The following SLC35F4 variants were observed in gnomAD, a reference collection of about 807,000 sequenced individuals.
The protein encoded by SLC35F4 is chromosome 14 open reading frame 36.
In SLC35F4, 24 loss-of-function variants were observed where a neutral mutation model predicts 44.2. The ratio of observed to expected loss-of-function variants is 0.54; its 90% CI spans 0.39 to 0.76. The LOEUF is 0.76. Ranked by LOEUF, SLC35F4 falls within the 30% of genes least tolerant of loss-of-function variation. SLC35F4 has a pLI of 0.00. For synonymous variants in SLC35F4, 238 were observed against 223.6 expected (o/e 1.06, Z -0.57); for missense variants, 562 against 586.1 (o/e 0.96, Z 0.42).
chr14:57,690,441 T>C (rs977105141), intron 1 of SLC35F4, among the ~76,000 whole-genome samples: 1 of 152,012 alleles, frequency 6.6e-6, no homozygotes, highest in Non-Finnish European at 1.5e-5. Context: ...GATTTTGAGA[T>C]TTTCATGTTT....
chr14:57,631,586 G>T (rs12436163), intron 1 of SLC35F4, among the ~76,000 whole-genome samples: 105,894 of 151,816 alleles, frequency 0.7, 37,709 homozygotes, highest in Middle Eastern at 0.79. Flanking sequence ...TTGCTTTTCA[G>T]GCCTCAGTTT....
intron 1 of SLC35F4, among the ~76,000 whole-genome samples, chr14:57,692,805 C>T (rs2075272926): frequency 6.6e-6 from 1 of 151,968 alleles, no homozygotes; most frequent in Non-Finnish European, 1.5e-5. Context: ...GGCTAAGTAA[C>T]AGGCCTGTAG....
upstream of SLC35F4, among the ~76,000 whole-genome samples, chr14:57,868,089 C>G (rs1242458619): frequency 6.6e-6 from 1 of 152,132 alleles, no homozygotes; most frequent in Non-Finnish European, 1.5e-5. Flanking sequence ...TTAACTGGAT[C>G]TGATCATTCA....
At chr14:57,622,715 T>A (rs1293522391) in intron 1 of SLC35F4, among the ~76,000 whole-genome samples, 1 of 152,106 alleles carries the variant, frequency 6.6e-6, no homozygotes, top group Non-Finnish European at 1.5e-5. Flanking sequence ...ATATACCTAA[T>A]GCTAGATGAC....
intron 1 of SLC35F4, chr14:57,630,901 T>C: frequency 1.1e-6 from 1 of 871,418 alleles, no homozygotes; most frequent in Non-Finnish European, 1.4e-6. Context: ...CAGCCACCAA[T>C]TTGTGGTGTC....
intron 1 of SLC35F4, among the ~76,000 whole-genome samples, chr14:57,746,503 T>A (rs1322823208): frequency 6.6e-6 from 1 of 152,194 alleles, no homozygotes; most frequent in East Asian, 1.9e-4. Context: ...AAAACTCCAA[T>A]TGATCATGAT....
chr14:57,679,698 A>C (rs181499654), intron 1 of SLC35F4, among the ~76,000 whole-genome samples: 12 of 152,238 alleles, frequency 7.9e-5, no homozygotes, highest in Admixed American at 7.8e-4. Flanking sequence ...GGATATCTCC[A>C]CTGATCCCAC....
chr14:57,769,285 G>A (rs1162541475), intron 1 of SLC35F4, among the ~76,000 whole-genome samples: 7 of 152,024 alleles, frequency 4.6e-5, no homozygotes, highest in Non-Finnish European at 1.0e-4. Flanking sequence ...ATGGGTCTGA[G>A]CACCCTCCTT....
At chr14:57,877,216 A>G (rs1460463867) in intron 1 of SLC35F4, among the ~76,000 whole-genome samples, 1 of 152,038 alleles carries the variant, frequency 6.6e-6, no homozygotes, top group Non-Finnish European at 1.5e-5. Flanking sequence ...GTGTCCATGT[A>G]TATTCAGTAT....
At chr14:57,850,233 T>C (rs1886435758) in intron 1 of SLC35F4, among the ~76,000 whole-genome samples, 1 of 152,240 alleles carries the variant, frequency 6.6e-6, no homozygotes, top group Non-Finnish European at 1.5e-5. Context: ...GAAAAGTAGG[T>C]TGTGCTGCTT....
At chr14:57,611,836 G>A (rs1041176719) in intron 1 of SLC35F4, among the ~76,000 whole-genome samples, 1 of 152,116 alleles carries the variant, frequency 6.6e-6, no homozygotes, top group Non-Finnish European at 1.5e-5. Context: ...ACATGGGAGA[G>A]TTCCAGCTAG....
At chr14:57,680,289 C>A (rs1229975843) in intron 1 of SLC35F4, among the ~76,000 whole-genome samples, 3 of 152,000 alleles carry the variant, frequency 2.0e-5, no homozygotes, top group East Asian at 3.9e-4. Flanking sequence ...ATTATCTCAA[C>A]AGATGTAGAA....
intron 1 of SLC35F4, among the ~76,000 whole-genome samples, chr14:57,808,615 T>G (rs1456952736): frequency 1.3e-5 from 2 of 149,850 alleles, no homozygotes; most frequent in South Asian, 4.1e-4. Flanking sequence ...TTGGGCAATA[T>G]GGCAAGATCC....
At chr14:57,982,468 G>C (rs984575688), upstream of SLC35F4, among the ~76,000 whole-genome samples, 3 of 152,174 alleles carry the variant, frequency 2.0e-5, no homozygotes, top group Admixed American at 6.5e-5. Flanking sequence ...CAGCATTGTT[G>C]TGTTGAGGAA....
At chr14:57,761,927 A>G (rs1641697321) in intron 1 of SLC35F4, among the ~76,000 whole-genome samples, 1 of 152,158 alleles carries the variant, frequency 6.6e-6, no homozygotes, top group South Asian at 2.1e-4. Context: ...AAAGGTGTTG[A>G]GAGGCTCACA....
At chr14:57,851,226 T>C (rs1319909834) in intron 1 of SLC35F4, among the ~76,000 whole-genome samples, 1 of 152,252 alleles carries the variant, frequency 6.6e-6, no homozygotes, top group Non-Finnish European at 1.5e-5. Context: ...TTAACAAATT[T>C]AAATTATTTC....
chr14:57,880,826 G>A (rs1333858188), intron 1 of SLC35F4, among the ~76,000 whole-genome samples: 1 of 152,104 alleles, frequency 6.6e-6, no homozygotes, highest in Non-Finnish European at 1.5e-5. Flanking sequence ...ACCAAGAGCA[G>A]AGCAGACTCC....
intron 2 of SLC35F4, among the ~76,000 whole-genome samples, chr14:57,591,252 A>G (rs760047719): frequency 1.3e-5 from 2 of 152,162 alleles, no homozygotes; most frequent in Non-Finnish European, 2.9e-5. Context: ...GATAAGAGCC[A>G]GCTCAGACAG....
chr14:57,615,259 G>A (rs1455884150), intron 1 of SLC35F4, among the ~76,000 whole-genome samples: 1 of 152,108 alleles, frequency 6.6e-6, no homozygotes, highest in Admixed American at 6.5e-5. Flanking sequence ...TAGGCACAGG[G>A]CAAGACATTT....
Sources: allele counts gnomAD v4.1 joint callset (sites outside exome capture counted in the v4.1 genomes callset), GRCh38; gene constraint gnomAD v4.1.1; transcripts MANE v1.5; gene names NCBI Gene and HGNC (gene_info 2026-07-23, HGNC 2026-07-21).